EFCAB3: variants seen among roughly 807,000 people sequenced by gnomAD.
The protein encoded by EFCAB3 is EF-hand calcium-binding domain-containing protein 3.
A neutral mutation model predicts 42.2 loss-of-function variants in EFCAB3; 36 were observed. That is an observed-to-expected ratio of 0.85 (90% CI 0.65 to 1.13). The LOEUF (loss-of-function observed/expected upper bound fraction) is 1.13, where lower values mean the gene tolerates loss of function less well. EFCAB3 is among the 50% of genes most tolerant of loss of function. EFCAB3 has a pLI of 0.00. For synonymous variants in EFCAB3, 170 were observed against 172.8 expected, an observed-to-expected ratio of 0.98 and a Z score of 0.13; for missense variants, 418 against 505.1, an observed-to-expected ratio of 0.83 and a Z score of 1.65.
chr17:62,383,120 T>C, intron 2 of EFCAB3, 67 bp downstream of exon 2: 1 of 1,441,262 alleles, frequency 6.9e-7, no homozygotes. Context: ...TACAGCTCTT[T>C]TAGAATTTTG....
chr17:62,381,986 G>A (rs2070206180), intron 1 of EFCAB3: 1 of 269,256 alleles, frequency 3.7e-6, no homozygotes, highest in Non-Finnish European at 7.9e-6. Context: ...AGAGTCAGAC[G>A]ATGACATGGG....
intron 4 of EFCAB3, 59 bp downstream of exon 4, chr17:62,392,024 T>C: frequency 6.6e-7 from 1 of 1,526,458 alleles, no homozygotes; most frequent in South Asian, 1.3e-5. Context: ...ATATATAGTT[T>C]TCTTTTAATG....
intron 8 of EFCAB3, among the ~76,000 whole-genome samples, chr17:62,408,098 C>G (rs1470773355): frequency 6.6e-6 from 1 of 152,174 alleles, no homozygotes; most frequent in Non-Finnish European, 1.5e-5. Flanking sequence ...CAACATTCAA[C>G]TACTCCTCCA....
intron 6 of EFCAB3, among the ~76,000 whole-genome samples, chr17:62,400,221 T>TC (rs2070388873): frequency 4.9e-5 from 1 of 20,554 alleles, no homozygotes; most frequent in South Asian, 0.026. Flanking sequence ...CACACATACT[T>TC]CTTTTTTTTC....
At chr17:62,392,434 G>A (rs1192056346) in intron 4 of EFCAB3, among the ~76,000 whole-genome samples, 5 of 151,992 alleles carry the variant, frequency 3.3e-5, no homozygotes, top group African/African-American at 1.2e-4. Context: ...GTGATTGTCT[G>A]ATTTCAGTAT....
At chr17:62,373,916 T>C (rs1392052712) in intron 2 of EFCAB3, 12 of 966,310 alleles carry the variant, frequency 1.2e-5, no homozygotes, top group Non-Finnish European at 1.7e-5. Context: ...TGATGCTATA[T>C]GTGTATTTTT....
intron 1 of EFCAB3, among the ~76,000 whole-genome samples, chr17:62,373,271 C>T (rs923411643): frequency 4.7e-5 from 6 of 126,866 alleles, no homozygotes; most frequent in African/African-American, 1.8e-4. Context: ...CAGAGTGAGA[C>T]CCTGCCTCAA....
In EFCAB3 at chr17:62,392,579, C is replaced by T. The variant is rs140364966; in HGVS notation, c.295+614C>T. On this transcript the variant is annotated intron_variant, in intron 4 of 9. Transcript: ENST00000305286. ...ATCTTTCTTTTTCCATCAAGTCCCA[C>T]CTATATTGAATTTTAAATGCCACAG... 2.0e-4 allele frequency among the ~76,000 whole-genome samples: 30 copies of T among 152,092 alleles called. No individual in the cohort carries two copies. The East Asian group carries it at 5.8e-3, about 29-fold the overall frequency.
intron 9 of EFCAB3, among the ~76,000 whole-genome samples, chr17:62,415,435 T>C (rs1324154815): frequency 1.3e-5 from 2 of 152,226 alleles, no homozygotes; most frequent in Non-Finnish European, 2.9e-5. Flanking sequence ...TACTGACTTA[T>C]AAGATTAAGT....
chr17:62,405,320 C>A (rs1330573834), intron 6 of EFCAB3, among the ~76,000 whole-genome samples: 1 of 152,204 alleles, frequency 6.6e-6, no homozygotes, highest in African/African-American at 2.4e-5. Context: ...TCCTACCAAC[C>A]ACTGCTTCAG....
At chr17:62,383,108 G>T (rs1051082531) in intron 2 of EFCAB3, 55 bp downstream of exon 2, 21 of 1,471,014 alleles carry the variant, frequency 1.4e-5, no homozygotes, top group East Asian at 2.4e-5. Flanking sequence ...AATTATTAGT[G>T]TTACAGCTCT....
At chr17:62,374,869 T>G (rs2070138643) in intron 2 of EFCAB3, among the ~76,000 whole-genome samples, 1 of 152,066 alleles carries the variant, frequency 6.6e-6, no homozygotes, top group East Asian at 1.9e-4. Flanking sequence ...TCCCAACAAT[T>G]TGGGAGGCCA....
intron 6 of EFCAB3, chr17:62,398,040 A>G: frequency 3.6e-6 from 1 of 278,204 alleles, no homozygotes; most frequent in Non-Finnish European, 6.7e-6. Context: ...AAAAAAAAAA[A>G]AAAAAAGGTG....
At chr17:62,410,938 GA>G (rs999509032) in intron 8 of EFCAB3, among the ~76,000 whole-genome samples, 2 of 152,176 alleles carry the variant, frequency 1.3e-5, no homozygotes, top group Non-Finnish European at 2.9e-5. Flanking sequence ...GCTCTGAATA[GA>G]GAAGAAAGTA....
rs1011947148 is a variant in EFCAB3, at chr17:62,416,247, C to A, written c.1235C>A (p.Ser412Tyr). Residue 412 changes from serine to tyrosine, a missense_variant, in exon 10 of 10, where the codon TCT becomes TAT. Physicochemically the swap from Ser to Tyr is moderately radical, Grantham distance 144. Transcript: ENST00000305286. ...NRNSSHNSRS[S>Y]SSSDTSECYT... ...AATTCCTCCCATAACTCCAGATCCT[C>A]TTCCTCATCAGATACCAGTGAATGT... The A allele has an allele frequency of 6.2e-7, 1 of 1,613,832 alleles. No homozygotes were observed. Among genetic ancestry groups the A allele is most frequent in the Admixed American group, 1.7e-5 (1 of 59,988 alleles).
chr17:62,401,948 G>A (rs1247296124), intron 6 of EFCAB3, among the ~76,000 whole-genome samples: 1 of 152,062 alleles, frequency 6.6e-6, no homozygotes, highest in African/African-American at 2.4e-5. Flanking sequence ...ATTTGTTTGT[G>A]TCTTCTTTTA....
At position 62,391,864 on chromosome 17, in the gene EFCAB3, G is replaced by A; in HGVS notation, c.194G>A (p.Gly65Asp). ...AYNFFYKDKTGCIDFHGLMCT... is the reference protein window; with the variant it reads ...AYNFFYKDKTDCIDFHGLMCT... The stretch of plus-strand genomic sequence containing the variant: ...AACTTCTTCTACAAGGACAAAACTG[G>A]CTGTATTGATTTCCATGGACTGATG... Residue 65 changes from glycine to aspartate, a missense_variant, in exon 4 of 10, where the codon GGC becomes GAC. Physicochemically the swap from Gly to Asp is moderately conservative, Grantham distance 94. Transcript: ENST00000305286. 1 of 1,613,626 alleles carries A rather than the reference G, an allele frequency of 6.2e-7. No individual in the cohort carries two copies. The highest frequency in any genetic ancestry group is 8.5e-7 in the Non-Finnish European group (1 of 1,179,800).
intron 2 of EFCAB3, among the ~76,000 whole-genome samples, chr17:62,383,597 A>AT (rs1207524640): frequency 1.3e-5 from 2 of 152,176 alleles, no homozygotes; most frequent in African/African-American, 4.8e-5. Flanking sequence ...GAAGAGAAAT[A>AT]TTTTTTATGA....
At chr17:62,386,926 C>T (rs2070256665) in intron 2 of EFCAB3, among the ~76,000 whole-genome samples, 1 of 152,152 alleles carries the variant, frequency 6.6e-6, no homozygotes, top group African/African-American at 2.4e-5. Context: ...GTGGCTAGGA[C>T]TACAGGCCTG....
Sources: gnomAD v4.1 joint callset for allele counts (sites outside exome capture counted in the v4.1 genomes callset) on GRCh38, gnomAD v4.1.1 for gene constraint, MANE v1.5 for transcripts, NCBI Gene and HGNC (gene_info 2026-07-23, HGNC 2026-07-21) for gene names.